Variants in PDE10A observed in about 807,000 individuals in gnomAD.
PDE10A encodes the protein phosphodiesterase 10A, also known as cAMP and cAMP-inhibited cGMP 3',5'-cyclic phosphodiesterase 10A.
A neutral mutation model predicts 97.7 loss-of-function variants in PDE10A; 39 were observed. The ratio of observed to expected loss-of-function variants is 0.40; its 90% CI spans 0.31 to 0.52. The LOEUF is 0.52. Among genes scored for constraint, PDE10A ranks in the 20% least tolerant of loss-of-function variants. The pLI, the probability that PDE10A is intolerant of heterozygous loss-of-function variation, is 0.56. For missense variants in PDE10A, 731 were observed against 1,047.8 expected (o/e 0.70, Z 4.17); for synonymous variants, 371 against 376.8 (o/e 0.98, Z 0.18).
chr6:165,334,014 T>C (rs1781491874), intron 21 of PDE10A, among the ~76,000 whole-genome samples: 2 of 152,266 alleles, frequency 1.3e-5, no homozygotes, highest in African/African-American at 4.8e-5. Flanking sequence ...GTAGCCCTTT[T>C]AACTTTTGTA....
chr6:165,904,392 C>T (rs1782206055), intron 1 of PDE10A, among the ~76,000 whole-genome samples: 1 of 152,024 alleles, frequency 6.6e-6, no homozygotes, highest in Non-Finnish European at 1.5e-5. Context: ...CTTATTTTTG[C>T]AATGAACAAT....
intron 1 of PDE10A, among the ~76,000 whole-genome samples, chr6:165,633,143 ACT>A (rs1379407959): frequency 4.6e-5 from 7 of 152,172 alleles, no homozygotes; most frequent in African/African-American, 1.2e-4. Context: ...TCTGATTGTA[ACT>A]CTGCAGAATA....
At chr6:165,582,699 T>G (rs1785685536) in intron 1 of PDE10A, among the ~76,000 whole-genome samples, 1 of 152,120 alleles carries the variant, frequency 6.6e-6, no homozygotes, top group Non-Finnish European at 1.5e-5. Flanking sequence ...GTTTTACTCT[T>G]TGGGGATTTT....
chr6:165,970,716 T>C lies in PDE10A; in HGVS notation c.-615+16813A>G, dbSNP rs1426956455. Among the ~76,000 whole-genome samples, 4 of 152,362 alleles carry C rather than the reference T, an allele frequency of 2.6e-5. No individual in the cohort carries two copies. In the East Asian group the frequency reaches 7.7e-4, roughly 29 times the overall value. On this transcript the variant is annotated intron_variant, in intron 1 of 19. Coordinates refer to the PDE10A transcript ENST00000366882. The stretch of plus-strand genomic sequence containing the variant: ...AAGATTTATTTCTTGTTATATATCT[T>C]TTTGTCTTTTGAATTTTTGCCAATT...
chr6:165,642,732 G>A (rs1308015521), intron 1 of PDE10A, among the ~76,000 whole-genome samples: 6 of 152,206 alleles, frequency 3.9e-5, no homozygotes, highest in Non-Finnish European at 8.8e-5. Flanking sequence ...ACGCTACACA[G>A]CCTAGGTAAT....
At chr6:165,755,115 CT>C (rs1793087664) in intron 1 of PDE10A, among the ~76,000 whole-genome samples, 1 of 152,164 alleles carries the variant, frequency 6.6e-6, no homozygotes, top group Non-Finnish European at 1.5e-5. Flanking sequence ...TGAAGATGGA[CT>C]TGTGTCATCT....
intron 21 of PDE10A, among the ~76,000 whole-genome samples, chr6:165,335,692 A>G (rs1263460623): frequency 2.0e-5 from 3 of 151,914 alleles, no homozygotes; most frequent in Non-Finnish European, 1.5e-5. Context: ...GCTGCCTTGC[A>G]AGAACCACAC....
intron 1 of PDE10A, among the ~76,000 whole-genome samples, chr6:165,712,763 C>T (rs1357560473): frequency 2.6e-5 from 4 of 151,084 alleles, no homozygotes; most frequent in Admixed American, 1.3e-4. Context: ...CCTCAGCCTC[C>T]GGAGCATCTG....
intron 1 of PDE10A, among the ~76,000 whole-genome samples, chr6:165,593,723 AATG>A (rs1786420085): frequency 6.6e-6 from 1 of 152,198 alleles, no homozygotes; most frequent in African/African-American, 2.4e-5. Context: ...GATATTTTTA[AATG>A]ATGATGTTCT....
At chr6:165,802,597 T>C (rs545343972) in intron 1 of PDE10A, among the ~76,000 whole-genome samples, 2 of 152,320 alleles carry the variant, frequency 1.3e-5, no homozygotes, top group East Asian at 3.9e-4. Context: ...GGGGCCCTCC[T>C]GAAGAAAAAT....
At chr6:165,546,335 A>G (rs1476582867) in intron 1 of PDE10A, among the ~76,000 whole-genome samples, 1 of 152,098 alleles carries the variant, frequency 6.6e-6, no homozygotes, top group Non-Finnish European at 1.5e-5. Flanking sequence ...AAGACACTAT[A>G]ACGATGAATA....
chr6:165,486,592 T>C (rs1779936784), intron 2 of PDE10A, among the ~76,000 whole-genome samples: 1 of 152,184 alleles, frequency 6.6e-6, no homozygotes, highest in African/African-American at 2.4e-5. Context: ...TTAACTCACG[T>C]CTGTTCGCAC....
At chr6:165,433,156 T>G in intron 6 of PDE10A, 27 bp from the exon 7 acceptor site, 1 of 1,573,142 alleles carries the variant, frequency 6.4e-7, no homozygotes, top group Non-Finnish European at 8.7e-7. Flanking sequence ...CAAAAAGACA[T>G]AAATTCAGTG....
chr6:165,468,353 G>C (rs934417441), intron 3 of PDE10A, among the ~76,000 whole-genome samples: 6 of 151,878 alleles, frequency 4.0e-5, no homozygotes, highest in Admixed American at 2.0e-4. Context: ...CTCCAAAAGC[G>C]CTGGGATTAC....
At chr6:165,545,838 T>C (rs970977468) in intron 1 of PDE10A, among the ~76,000 whole-genome samples, 1 of 152,078 alleles carries the variant, frequency 6.6e-6, no homozygotes, top group African/African-American at 2.4e-5. Flanking sequence ...TACAGTGACT[T>C]TGAAAGACTG....
At chr6:165,752,611 G>A (rs983917041) in intron 1 of PDE10A, among the ~76,000 whole-genome samples, 5 of 152,186 alleles carry the variant, frequency 3.3e-5, no homozygotes, top group African/African-American at 1.2e-4. Flanking sequence ...ACCCAAACAT[G>A]TCAAACTGGG....
At chr6:165,464,464 G>C (rs1222910430) in intron 3 of PDE10A, among the ~76,000 whole-genome samples, 1 of 152,110 alleles carries the variant, frequency 6.6e-6, no homozygotes, top group Non-Finnish European at 1.5e-5. Flanking sequence ...GGTAGTTTTA[G>C]AATTGCTAAG....
chr6:165,434,003 C>T lies in PDE10A; in HGVS notation c.1336-874G>A, dbSNP rs374784710. On this transcript the variant is annotated intron_variant, in intron 6 of 21. Coordinates refer to ENST00000539869, the MANE Select transcript of PDE10A (RefSeq NM_001385079.1). ...CTGCACTCCAGCCTGGGCGACACAG[C>T]GAGACTCCGTCTCAAAAAAAAAAAA... 2.0e-4 allele frequency among the ~76,000 whole-genome samples: 23 copies of T among 115,100 alleles called. No individual in the cohort carries two copies. In the South Asian group the frequency reaches 3.4e-3, roughly 17 times the overall value. The allele number at this position is 115,100 out of a possible 152,430, so 75.5% of individuals were successfully genotyped here. A position where few individuals can be genotyped will look rare whatever the true frequency, so the allele number is the denominator to read the frequency against.
At position 165,582,674 on chromosome 6, in the gene PDE10A, CA is replaced by C. The variant is rs1176771365; in HGVS notation, c.866-39107del. The stretch of plus-strand genomic sequence containing the variant: ...TGGATTCAAGGGTCATGAGAACAAA[CA>C]AAAAAAAAAACAGGTTTTACTCTTT... On this transcript the variant is annotated intron_variant, in intron 1 of 21. Coordinates refer to ENST00000539869, the MANE Select transcript of PDE10A (RefSeq NM_001385079.1). Among the ~76,000 whole-genome samples the C allele has an allele frequency of 9.8e-3, 1,381 of 140,516 alleles. 21 individuals are homozygous for C. The highest frequency in any genetic ancestry group is 0.033 in the African/African-American group (1,262 of 38,548). The allele number at this position is 140,516 out of a possible 152,430, so 92.2% of individuals were successfully genotyped here.
Sources: allele counts gnomAD v4.1 joint callset (sites outside exome capture counted in the v4.1 genomes callset), GRCh38; gene constraint gnomAD v4.1.1; transcripts MANE v1.5; gene names NCBI Gene and HGNC (gene_info 2026-07-23, HGNC 2026-07-21).